USH2A: variants seen among roughly 807,000 people sequenced by gnomAD.
USH2A encodes Usher syndrome 2A (autosomal recessive, mild).
Under a neutral mutation model 538.9 loss-of-function variants are expected in USH2A, and 443 were observed. The ratio of observed to expected loss-of-function variants is 0.82; its 90% CI spans 0.76 to 0.89. The LOEUF is 0.89. USH2A is among the 40% of genes least tolerant of loss of function. USH2A has a pLI of 0.00. For missense variants in USH2A, 6,633 were observed against 6,324.8 expected, an observed-to-expected ratio of 1.05 and a Z score of -1.65; for synonymous variants, 2,413 against 2,273.5, an observed-to-expected ratio of 1.06 and a Z score of -1.75.
At chr1:215,663,875 G>T (rs932018742) in intron 64 of USH2A, among the ~76,000 whole-genome samples, 2 of 152,122 alleles carry the variant, frequency 1.3e-5, no homozygotes, top group African/African-American at 4.8e-5. Context: ...ACATTTTAAA[G>T]ACAAGAAAAC....
intron 4 of USH2A, among the ~76,000 whole-genome samples, chr1:216,330,504 C>T (rs2037838036): frequency 1.3e-5 from 2 of 151,684 alleles, no homozygotes; most frequent in South Asian, 4.2e-4. Flanking sequence ...ACATAGACCT[C>T]TAAATCAGTA....
intron 71 of USH2A, among the ~76,000 whole-genome samples, chr1:215,627,059 A>G (rs1388793235): frequency 1.3e-5 from 2 of 152,204 alleles, no homozygotes; most frequent in Admixed American, 6.5e-5. Flanking sequence ...TGCATATTAT[A>G]TATATGTATA....
At chr1:215,836,468 A>ATATATATATATATATATAT (rs1663492665) in intron 47 of USH2A, among the ~76,000 whole-genome samples, 1 of 13,518 alleles carries the variant, frequency 7.4e-5, no homozygotes, top group African/African-American at 1.5e-4. Flanking sequence ...TATATATTAT[A>ATATATATATATATATATAT]TATATATATA....
In USH2A at chr1:216,077,987, C is replaced by T. The variant is rs1431413649; in HGVS notation, c.5572+102G>A. ...GAAAAAGAGATGCTGTTGGGTGCTG[C>T]TTTTAGCCTGAGTCTATTGCTATCT... is the stretch of plus-strand genomic sequence containing the variant. On this transcript the variant is annotated intron_variant, in intron 27 of 71. Transcript: ENST00000307340. 4 of 1,452,638 alleles carry T rather than the reference C, an allele frequency of 2.8e-6. No homozygotes were observed. In the Admixed American group the frequency reaches 5.1e-5, roughly 18 times the overall value. 90.0% of individuals were successfully genotyped at this position (1,452,638 alleles called of 1,614,324 possible).
chr1:216,323,286 A>T (rs1041871443), intron 8 of USH2A, among the ~76,000 whole-genome samples, 188 bp downstream of exon 8: 2 of 143,534 alleles, frequency 1.4e-5, no homozygotes, highest in African/African-American at 5.4e-5. Context: ...TTATATATAT[A>T]TATATATATA....
At chr1:216,335,456 A>G (rs1284839583) in intron 4 of USH2A, among the ~76,000 whole-genome samples, 1 of 151,634 alleles carries the variant, frequency 6.6e-6, no homozygotes, top group Admixed American at 6.6e-5. Context: ...CAAATAAAAT[A>G]GAGAATAGAA....
intron 30 of USH2A, among the ~76,000 whole-genome samples, chr1:216,062,984 C>T (rs765751186): frequency 2.2e-4 from 33 of 152,210 alleles, no homozygotes; most frequent in Non-Finnish European, 3.1e-4. Context: ...ACTAATAAAG[C>T]GAAATTGCCT....
chr1:215,819,827 G>A (rs965111084), intron 47 of USH2A, among the ~76,000 whole-genome samples: 2 of 151,736 alleles, frequency 1.3e-5, no homozygotes, highest in Non-Finnish European at 3.0e-5. Context: ...TCAAGTACAC[G>A]AAGGAAAATG....
chr1:216,007,633 A>C (rs1397052792), intron 32 of USH2A, among the ~76,000 whole-genome samples: 1 of 152,236 alleles, frequency 6.6e-6, no homozygotes, highest in East Asian at 1.9e-4. Flanking sequence ...GGGCCACAGA[A>C]AACCTTGTAA....
intron 30 of USH2A, among the ~76,000 whole-genome samples, chr1:216,067,161 A>G (rs1195057120): frequency 6.6e-6 from 1 of 152,204 alleles, no homozygotes. Context: ...TAACACAGGA[A>G]CAGAAAACCA....
intron 20 of USH2A, among the ~76,000 whole-genome samples, chr1:216,182,681 T>C (rs939536288): frequency 1.1e-4 from 16 of 152,116 alleles, no homozygotes; most frequent in Non-Finnish European, 8.8e-5. Flanking sequence ...GTCTGTTGTG[T>C]ATACAAACAG....
chr1:215,875,480 C>T (rs78860546), intron 43 of USH2A, among the ~76,000 whole-genome samples: 1,632 of 152,164 alleles, frequency 0.011, 28 homozygotes, highest in African/African-American at 0.037. Flanking sequence ...TATGTCAATT[C>T]ATGTTTCAAT....
intron 37 of USH2A, among the ~76,000 whole-genome samples, chr1:215,963,272 C>T (rs2102452162): frequency 6.6e-6 from 1 of 152,140 alleles, no homozygotes; most frequent in Admixed American, 6.6e-5. Flanking sequence ...GTAAATGTCA[C>T]CCAGCTGCTG....
chr1:215,903,914 G>A (rs910192655), intron 38 of USH2A, among the ~76,000 whole-genome samples: 3 of 152,026 alleles, frequency 2.0e-5, no homozygotes, highest in Non-Finnish European at 4.4e-5. Context: ...TTGGTTTGAA[G>A]GACATTCATT....
At chr1:216,061,762 G>GGTATTTAT (rs2031191179) in intron 30 of USH2A, among the ~76,000 whole-genome samples, 1 of 152,168 alleles carries the variant, frequency 6.6e-6, no homozygotes, top group African/African-American at 2.4e-5. Flanking sequence ...CCTAAAACGA[G>GGTATTTAT]ACCAGGCAGA....
chr1:215,896,685 A>C (rs1325896692), intron 40 of USH2A, among the ~76,000 whole-genome samples: 1 of 152,160 alleles, frequency 6.6e-6, no homozygotes, highest in African/African-American at 2.4e-5. Context: ...TCATATAATC[A>C]GGAGTGATGG....
intron 38 of USH2A, among the ~76,000 whole-genome samples, chr1:215,916,279 C>CACTAGTGT (rs1282142164): frequency 6.6e-6 from 1 of 151,796 alleles, no homozygotes; most frequent in East Asian, 1.9e-4. Context: ...TCAAGGTTGT[C>CACTAGTGT]ACTAGTGTAG....
At chr1:215,680,493 A>C in intron 61 of USH2A, 117 bp from the exon 62 acceptor site, 1 of 923,908 alleles carries the variant, frequency 1.1e-6, no homozygotes, top group Non-Finnish European at 1.7e-6. Flanking sequence ...CAGCGCAAAC[A>C]CTACAGCAGA....
chr1:215,796,055 C>A (rs190873079), intron 50 of USH2A, among the ~76,000 whole-genome samples: 1 of 152,118 alleles, frequency 6.6e-6, no homozygotes, highest in East Asian at 1.9e-4. Context: ...TATATTTTTG[C>A]AAGCTTTTTA....
Sources: gnomAD v4.1 joint callset for allele counts (sites outside exome capture counted in the v4.1 genomes callset) on GRCh38, gnomAD v4.1.1 for gene constraint, MANE v1.5 for transcripts, NCBI Gene and HGNC (gene_info 2026-07-23, HGNC 2026-07-21) for gene names.